Variants in FAF1 observed in about 807,000 individuals in gnomAD.
FAF1 encodes the protein Fas associated factor 1.
A neutral mutation model predicts 92.5 loss-of-function variants in FAF1; 25 were observed. The ratio of observed to expected loss-of-function variants is 0.27; its 90% CI spans 0.20 to 0.38. FAF1 has a LOEUF of 0.38. FAF1 is among the 10% of genes least tolerant of loss of function. The probability of loss-of-function intolerance (pLI) is 1.00; values close to 1 mark genes in which losing one functional copy is unlikely to be tolerated. For synonymous variants in FAF1, 234 were observed against 273.2 expected, an observed-to-expected ratio of 0.86 and a Z score of 1.42; for missense variants, 636 against 793.3, an observed-to-expected ratio of 0.80 and a Z score of 2.38.
chr1:50,809,260 C>A (rs1662326930), intron 2 of FAF1, among the ~76,000 whole-genome samples: 1 of 151,572 alleles, frequency 6.6e-6, no homozygotes, highest in Non-Finnish European at 1.5e-5. Context: ...TAACCAAAAT[C>A]AAAGCTGAAA....
At chr1:50,617,626 C>T (rs1235910485) in intron 8 of FAF1, among the ~76,000 whole-genome samples, 1 of 151,242 alleles carries the variant, frequency 6.6e-6, no homozygotes, top group Non-Finnish European at 1.5e-5. Context: ...ATGGTCTCTG[C>T]CAGATTATAG....
intron 1 of FAF1, among the ~76,000 whole-genome samples, chr1:50,941,302 T>C (rs997774286): frequency 6.6e-6 from 1 of 152,124 alleles, no homozygotes; most frequent in African/African-American, 2.4e-5. Flanking sequence ...CTCCGCCTCC[T>C]GGGTTCAAGC....
chr1:50,630,897 C>T (rs575359198), intron 8 of FAF1, among the ~76,000 whole-genome samples: 1 of 148,516 alleles, frequency 6.7e-6, no homozygotes, highest in African/African-American at 2.5e-5. Context: ...GGCACGATCC[C>T]GGTTCAAGCA....
intron 3 of FAF1, among the ~76,000 whole-genome samples, chr1:50,796,927 C>T (rs1244997777): frequency 6.6e-6 from 1 of 152,044 alleles, no homozygotes; most frequent in Non-Finnish European, 1.5e-5. Flanking sequence ...CTCAGGAGTT[C>T]AAGACTAACC....
rs568040619 is a variant in FAF1 at position 50,672,012 on chromosome 1, G to C, written c.658-16484C>G. 3.0e-4 allele frequency among the ~76,000 whole-genome samples: 37 copies of C among 125,272 alleles called. No individual in the cohort carries two copies. The East Asian group carries it at 3.0e-3, about 10-fold the overall frequency. The allele number at this position is 125,272 out of a possible 152,430, so 82.2% of individuals were successfully genotyped here. A position where few individuals can be genotyped will look rare whatever the true frequency, so the allele number is the denominator to read the frequency against. ...AAGGTCTCACTATGTTGTCCAGGGTGGTCTTTCTTTTTTTTTTTTTTATTA... is the reference window on the plus strand; with the variant it reads ...AAGGTCTCACTATGTTGTCCAGGGTCGTCTTTCTTTTTTTTTTTTTTATTA... On this transcript the variant is annotated intron_variant, in intron 7 of 18. Coordinates refer to ENST00000396153, the MANE Select transcript of FAF1 (RefSeq NM_007051.3).
At chr1:50,614,617 AT>A (rs1652823845) in intron 8 of FAF1, among the ~76,000 whole-genome samples, 1 of 152,168 alleles carries the variant, frequency 6.6e-6, no homozygotes, top group Non-Finnish European at 1.5e-5. Context: ...AGGTGGGCGG[AT>A]TACCTAAGGT....
chr1:50,555,179 T>C (rs1216842304), intron 13 of FAF1, among the ~76,000 whole-genome samples: 1 of 151,582 alleles, frequency 6.6e-6, no homozygotes, highest in Non-Finnish European at 1.5e-5. Flanking sequence ...GTCAAGATCG[T>C]GCCACTGCAT....
chr1:50,783,366 AT>A (rs1326131475), intron 4 of FAF1, among the ~76,000 whole-genome samples: 1 of 152,240 alleles, frequency 6.6e-6, no homozygotes, highest in African/African-American at 2.4e-5. Context: ...CGAGGCCAGC[AT>A]TACATCAATA....
intron 8 of FAF1, among the ~76,000 whole-genome samples, chr1:50,621,087 G>A (rs112898078): frequency 0.016 from 2,364 of 152,342 alleles, 70 homozygotes; most frequent in African/African-American, 0.053. Flanking sequence ...CTCCTCCCCT[G>A]CTCAAGTGTT....
chr1:50,793,834 C>T (rs967053617), intron 3 of FAF1, among the ~76,000 whole-genome samples: 2 of 152,184 alleles, frequency 1.3e-5, no homozygotes, highest in East Asian at 1.9e-4. Flanking sequence ...TCCTGAATTG[C>T]ATAAGCAGCA....
intron 8 of FAF1, among the ~76,000 whole-genome samples, chr1:50,641,278 A>G (rs1488024308): frequency 6.6e-6 from 1 of 152,080 alleles, no homozygotes; most frequent in African/African-American, 2.4e-5. Context: ...CTTCAGGTAG[A>G]TGATTATTTC....
At chr1:50,863,199 A>G (rs559210796) in intron 1 of FAF1, among the ~76,000 whole-genome samples, 76 of 152,028 alleles carry the variant, frequency 5.0e-4, no homozygotes, top group African/African-American at 1.6e-3. Flanking sequence ...TTGGAAATCG[A>G]CTCCAAAAGA....
chr1:50,724,675 G>C (rs1239090974), intron 6 of FAF1, among the ~76,000 whole-genome samples: 1 of 152,164 alleles, frequency 6.6e-6, no homozygotes, highest in East Asian at 1.9e-4. Flanking sequence ...CTCCATTCTA[G>C]ATTTGTTTCT....
At chr1:50,954,338 G>A (rs542888827) in intron 1 of FAF1, among the ~76,000 whole-genome samples, 1 of 152,196 alleles carries the variant, frequency 6.6e-6, no homozygotes, top group South Asian at 2.1e-4. Flanking sequence ...CAGCTATGAT[G>A]TCTGCCTCTG....
At chr1:50,606,625 G>A (rs112516611) in intron 8 of FAF1, among the ~76,000 whole-genome samples, 9,945 of 149,044 alleles carry the variant, frequency 0.067, 402 homozygotes, top group East Asian at 0.096. Context: ...TCAGCCTCCC[G>A]AGTAGCTGGG....
At chr1:50,943,949 T>C (rs1410204973) in intron 1 of FAF1, among the ~76,000 whole-genome samples, 1 of 152,202 alleles carries the variant, frequency 6.6e-6, no homozygotes, top group Non-Finnish European at 1.5e-5. Flanking sequence ...ATTGTCAAAT[T>C]GTGTCGCAGC....
rs555011459 is a variant in FAF1 at position 50,591,269 on chromosome 1, C to G, written c.840+4852G>C. Among the ~76,000 whole-genome samples the G allele has an allele frequency of 5.9e-5, 9 of 152,276 alleles. No individual in the cohort carries two copies. In the East Asian group the frequency reaches 1.7e-3, roughly 29 times the overall value. On this transcript the variant is annotated intron_variant, in intron 9 of 18. Transcript: ENST00000396153. The stretch of plus-strand genomic sequence containing the variant: ...CTTGCACTAGTACAACAGACTCATA[C>G]CTGATTTCTCTGTCTTCTGTCTTGT...
intron 8 of FAF1, among the ~76,000 whole-genome samples, chr1:50,637,537 A>G (rs1195903880): frequency 6.6e-6 from 1 of 151,814 alleles, no homozygotes; most frequent in African/African-American, 2.4e-5. Context: ...TTTGGAATTA[A>G]TTTGCCAATT....
chr1:50,782,885 G>A (rs987623643), intron 4 of FAF1, among the ~76,000 whole-genome samples: 1 of 151,888 alleles, frequency 6.6e-6, no homozygotes, highest in African/African-American at 2.4e-5. Context: ...TTCCAGTACT[G>A]CACACTCCAT....
Sources: allele counts gnomAD v4.1 joint callset (sites outside exome capture counted in the v4.1 genomes callset), GRCh38; gene constraint gnomAD v4.1.1; transcripts MANE v1.5; gene names NCBI Gene and HGNC (gene_info 2026-07-23, HGNC 2026-07-21).